ABI3BP: variants seen among roughly 807,000 people sequenced by gnomAD.
ABI3BP encodes the protein target of Nesh-SH3.
ABI3BP carries 216 observed loss-of-function variants against 268.6 expected under a neutral mutation model. The observed-to-expected ratio is 0.80, with a 90% CI of 0.72 to 0.90. The LOEUF (loss-of-function observed/expected upper bound fraction) is 0.90. Among genes scored for constraint, ABI3BP ranks in the 40% least tolerant of loss-of-function variants. ABI3BP has a pLI of 0.00. For missense variants in ABI3BP, 2,090 were observed against 2,182.4 expected (o/e 0.96, Z 0.84); for synonymous variants, 730 against 730.0 (o/e 1.00, Z 0.00).
At chr3:100,904,044 T>C (rs2051890741) in intron 2 of ABI3BP, among the ~76,000 whole-genome samples, 2 of 152,172 alleles carry the variant, frequency 1.3e-5, no homozygotes, top group South Asian at 4.1e-4. Flanking sequence ...ACAATAACCA[T>C]TTCCTGATTT....
intron 44 of ABI3BP, among the ~76,000 whole-genome samples, chr3:100,815,268 A>G (rs991614845): frequency 6.6e-6 from 1 of 152,150 alleles, no homozygotes; most frequent in African/African-American, 2.4e-5. Flanking sequence ...AATTAAAAAA[A>G]ATTACTTTGT....
chr3:100,862,291 T>TA lies in ABI3BP; in HGVS notation c.1285+19dup. The stretch of plus-strand genomic sequence containing the variant: ...TATTCCTTGTTATAATCGATTTTTT[T>TA]AAGAAAAGGATTTAATTACCAGTTT... On this transcript the variant is annotated intron_variant, in intron 14 of 67. Transcript: ENST00000471714. 1 of 1,542,092 alleles carries TA rather than the reference T, an allele frequency of 6.5e-7. No individual in the cohort carries two copies. Among genetic ancestry groups the TA allele is most frequent in the East Asian group, 2.3e-5 (1 of 44,134 alleles).
chr3:100,812,164 C>A (rs370684785), intron 46 of ABI3BP, among the ~76,000 whole-genome samples: 2 of 151,736 alleles, frequency 1.3e-5, no homozygotes, highest in Non-Finnish European at 2.9e-5. Flanking sequence ...CGGGATGAAT[C>A]CTAAAAGTGA....
chr3:100,906,242 A>T (rs2153526494), intron 2 of ABI3BP, among the ~76,000 whole-genome samples: 1 of 152,346 alleles, frequency 6.6e-6, no homozygotes, highest in East Asian at 1.9e-4. Flanking sequence ...ATGATCCAAG[A>T]CATATGGTTA....
intron 18 of ABI3BP, among the ~76,000 whole-genome samples, chr3:100,848,473 C>CT (rs35928410): frequency 2.1e-4 from 31 of 148,622 alleles, no homozygotes; most frequent in Admixed American, 1.1e-3. Context: ...AAAACATATC[C>CT]TTTTTTTTTT....
intron 57 of ABI3BP, among the ~76,000 whole-genome samples, chr3:100,784,979 C>T (rs779781951): frequency 2.0e-5 from 3 of 152,064 alleles, no homozygotes; most frequent in African/African-American, 7.2e-5. Flanking sequence ...TCAAATTCAA[C>T]ACTATATAAT....
At chr3:100,878,922 TG>T (rs1403708765) in intron 6 of ABI3BP, among the ~76,000 whole-genome samples, 8 of 152,232 alleles carry the variant, frequency 5.3e-5, no homozygotes, top group African/African-American at 1.2e-4. Context: ...TATCTATTTC[TG>T]GGGTACGATG....
At chr3:100,839,524 AG>A in intron 24 of ABI3BP, 44 bp downstream of exon 24, 11 of 1,530,658 alleles carry the variant, frequency 7.2e-6, no homozygotes, top group Non-Finnish European at 8.8e-6. Context: ...GGAAAGCAAA[AG>A]CTACAACCCG....
chr3:100,784,512 G>C (rs1314332743), intron 57 of ABI3BP, among the ~76,000 whole-genome samples: 1 of 152,212 alleles, frequency 6.6e-6, no homozygotes, highest in South Asian at 2.1e-4. Context: ...ATTCAACCCA[G>C]CAATACTACT....
rs1171390089 is a variant in ABI3BP at position 100,754,606 on chromosome 3, A to C, written c.4930+6T>G. Reference sequence around the variant, plus strand: ...CCTTTTTGGGAATTACTGTTGATGTAATTACCTGATTCAGTACTGAATGCC... The same window carrying C: ...CCTTTTTGGGAATTACTGTTGATGTCATTACCTGATTCAGTACTGAATGCC... On this transcript the variant is annotated splice_donor_region_variant and intron_variant, in intron 64 of 67. Transcript: ENST00000471714. The C allele has an allele frequency of 1.3e-6, 2 of 1,574,390 alleles. No homozygotes were observed. Among genetic ancestry groups the C allele is most frequent in the African/African-American group, 1.3e-5 (1 of 74,150 alleles).
intron 14 of ABI3BP, among the ~76,000 whole-genome samples, chr3:100,861,946 A>G (rs1381089695): frequency 6.6e-6 from 1 of 152,236 alleles, no homozygotes; most frequent in African/African-American, 2.4e-5. Flanking sequence ...AGAAGCAAAT[A>G]TTCCCTGCAA....
At chr3:100,840,198 AG>A (rs1290411943) in intron 22 of ABI3BP, 34 bp from the exon 23 acceptor site, 6 of 1,456,736 alleles carry the variant, frequency 4.1e-6, no homozygotes, top group East Asian at 2.5e-5. Context: ...TAATACAAGA[AG>A]GGTGGATTTA....
chr3:100,816,363 A>G (rs977946768), intron 43 of ABI3BP: 2 of 478,890 alleles, frequency 4.2e-6, no homozygotes, highest in East Asian at 3.8e-5. Context: ...TGTAATCATA[A>G]CAAATGGATC....
chr3:100,849,979 C>T, intron 17 of ABI3BP, 66 bp downstream of exon 17: 2 of 1,370,212 alleles, frequency 1.5e-6, no homozygotes, highest in Non-Finnish European at 2.0e-6. Context: ...CTGAAATGGC[C>T]AACATGACTT....
chr3:100,870,196 G>A (rs1351771408), intron 9 of ABI3BP, among the ~76,000 whole-genome samples: 5 of 152,100 alleles, frequency 3.3e-5, no homozygotes, highest in Non-Finnish European at 2.9e-5. Context: ...CAGTGCTTCT[G>A]TGCAGCAAAG....
chr3:100,824,790 C>T, intron 36 of ABI3BP, 68 bp downstream of exon 36: 2 of 1,337,562 alleles, frequency 1.5e-6, no homozygotes. Context: ...TCAGCATTGA[C>T]ACTGCTTCAG....
At chr3:100,914,452 G>A (rs2057889283) in intron 2 of ABI3BP, 2 of 455,572 alleles carry the variant, frequency 4.4e-6, no homozygotes, top group South Asian at 3.1e-5. Flanking sequence ...CCGTACCACA[G>A]AACAACAATG....
intron 1 of ABI3BP, among the ~76,000 whole-genome samples, chr3:100,932,085 G>GA (rs890817078): frequency 2.7e-4 from 41 of 151,094 alleles, no homozygotes; most frequent in East Asian, 3.9e-4. Flanking sequence ...CAACAAAGCC[G>GA]AAAAAAAACA....
intron 27 of ABI3BP, among the ~76,000 whole-genome samples, 179 bp downstream of exon 27, chr3:100,836,945 G>A (rs2098602393): frequency 6.6e-6 from 1 of 152,220 alleles, no homozygotes; most frequent in African/African-American, 2.4e-5. Flanking sequence ...TACAAGCTGA[G>A]CAGCAGATGT....
Sources: gnomAD v4.1 joint callset for allele counts (sites outside exome capture counted in the v4.1 genomes callset) on GRCh38, gnomAD v4.1.1 for gene constraint, MANE v1.5 for transcripts, NCBI Gene and HGNC (gene_info 2026-07-23, HGNC 2026-07-21) for gene names.